EYA3: variants seen among roughly 807,000 people sequenced by gnomAD.
EYA3 encodes the protein EYA transcriptional coactivator and phosphatase 3, also known as protein phosphatase EYA3.
In EYA3, 39 loss-of-function variants were observed where a neutral mutation model predicts 80.0. That is an observed-to-expected ratio of 0.49 (90% CI 0.38 to 0.64). EYA3 has a LOEUF of 0.64. Among genes scored for constraint, EYA3 ranks in the 30% least tolerant of loss-of-function variants. The pLI is 0.00. For missense variants in EYA3, 523 were observed against 676.1 expected (o/e 0.77, Z 2.51); for synonymous variants, 206 against 232.8 (o/e 0.88, Z 1.05).
At chr1:28,028,009 G>T in intron 6 of EYA3, 83 bp from the exon 7 acceptor site, 1 of 1,454,066 alleles carries the variant, frequency 6.9e-7, no homozygotes, top group Non-Finnish European at 9.4e-7. Context: ...CAGCCAGTAG[G>T]TTTAAAATCT....
At chr1:28,008,009 G>A (rs1641416324) in intron 10 of EYA3, among the ~76,000 whole-genome samples, 1 of 152,090 alleles carries the variant, frequency 6.6e-6, no homozygotes, top group Non-Finnish European at 1.5e-5. Flanking sequence ...AAAACAGTGT[G>A]GTACTAGCAT....
At chr1:28,068,218 G>C (rs1644900793) in intron 1 of EYA3, among the ~76,000 whole-genome samples, 1 of 151,802 alleles carries the variant, frequency 6.6e-6, no homozygotes, top group Admixed American at 6.6e-5. Context: ...TGTAATCCCA[G>C]CTACTTGGGA....
chr1:28,080,660 G>GAA (rs765839496), intron 1 of EYA3, among the ~76,000 whole-genome samples: 1 of 115,626 alleles, frequency 8.6e-6, no homozygotes, highest in Non-Finnish European at 1.9e-5. Context: ...CACTTTATCA[G>GAA]AAAAAAAAAA....
intron 17 of EYA3, among the ~76,000 whole-genome samples, chr1:27,975,644 C>A (rs2148696518): frequency 6.6e-6 from 1 of 151,790 alleles, no homozygotes; most frequent in South Asian, 2.1e-4. Context: ...TGCCATCACA[C>A]CCGGCTAATT....
At chr1:28,074,691 G>A (rs538735123) in intron 1 of EYA3, among the ~76,000 whole-genome samples, 18 of 151,912 alleles carry the variant, frequency 1.2e-4, no homozygotes, top group Non-Finnish European at 2.5e-4. Context: ...CTTCCTCAGG[G>A]AACATTTTCT....
chr1:28,017,140 AG>A lies in EYA3; in HGVS notation c.585+13del, dbSNP rs1330972932. 2.5e-6 allele frequency: 4 copies of A among 1,601,880 alleles called. No homozygotes were observed. The highest frequency in any genetic ancestry group is 3.4e-6 in the Non-Finnish European group (4 of 1,169,262). ...GAACTCTATCAAACAGGATGAACAA[AG>A]GTAGCATCATACCTGGTTTGAGATG... On this transcript the variant is annotated intron_variant, in intron 8 of 17. Transcript: ENST00000373871.
chr1:28,079,795 CT>C (rs761445915), intron 1 of EYA3, among the ~76,000 whole-genome samples: 533 of 139,796 alleles, frequency 3.8e-3, no homozygotes, highest in South Asian at 7.4e-3. Context: ...TAAACATTTT[CT>C]TTTTTTTTTT....
intron 14 of EYA3, among the ~76,000 whole-genome samples, chr1:27,991,247 C>A (rs747298533): frequency 7.3e-4 from 111 of 152,244 alleles, no homozygotes; most frequent in Non-Finnish European, 1.4e-3. Flanking sequence ...AGTAAGTTTG[C>A]AGCTTTTGGT....
At chr1:28,035,736 A>G (rs899311290) in intron 5 of EYA3, 56 bp from the exon 6 acceptor site, 40 of 1,514,704 alleles carry the variant, frequency 2.6e-5, no homozygotes, top group Non-Finnish European at 4.6e-6. Flanking sequence ...GTAACGAAAA[A>G]TAGGTAAAAT....
chr1:27,990,121 TATC>T (rs1639944249), intron 14 of EYA3: 1 of 160,180 alleles, frequency 6.2e-6, no homozygotes, highest in South Asian at 1.8e-4. Context: ...GGAGATCCTT[TATC>T]TTCTGAGAAA....
At chr1:28,012,772 CCT>C (rs1445263663) in intron 9 of EYA3, among the ~76,000 whole-genome samples, 1 of 152,122 alleles carries the variant, frequency 6.6e-6, no homozygotes, top group Non-Finnish European at 1.5e-5. Flanking sequence ...CAGTTCAAAA[CCT>C]GCGCAAGACT....
chr1:28,011,292 C>CT (rs1306905082), intron 9 of EYA3, among the ~76,000 whole-genome samples: 2 of 152,168 alleles, frequency 1.3e-5, no homozygotes, highest in Non-Finnish European at 2.9e-5. Context: ...TATAACCAGA[C>CT]TTTATATGCT....
At chr1:27,978,635 T>C (rs1639102523) in intron 16 of EYA3, among the ~76,000 whole-genome samples, 161 bp from the exon 17 acceptor site, 1 of 152,190 alleles carries the variant, frequency 6.6e-6, no homozygotes, top group Non-Finnish European at 1.5e-5. Context: ...AGAGATCCAG[T>C]AGACCCTCTG....
At chr1:28,010,810 A>G in intron 10 of EYA3, 137 bp downstream of exon 10, 1 of 1,000,042 alleles carries the variant, frequency 1.0e-6, no homozygotes, top group South Asian at 1.8e-5. Flanking sequence ...AACGTGGCCA[A>G]TTTAGTTTAT....
chr1:28,038,248 T>A (rs926888959), intron 5 of EYA3, among the ~76,000 whole-genome samples: 3 of 151,748 alleles, frequency 2.0e-5, no homozygotes, highest in African/African-American at 7.3e-5. Flanking sequence ...AACAGCCTGG[T>A]CAACATGGTG....
At chr1:28,066,440 ATAAAG>A (rs1276729095) in intron 1 of EYA3, among the ~76,000 whole-genome samples, 1 of 152,220 alleles carries the variant, frequency 6.6e-6, no homozygotes, top group Admixed American at 6.5e-5. Flanking sequence ...GATCAAATCT[ATAAAG>A]TATTTAAAAT....
At chr1:27,979,348 T>C (rs945297004) in intron 16 of EYA3, among the ~76,000 whole-genome samples, 4 of 152,204 alleles carry the variant, frequency 2.6e-5, no homozygotes, top group Non-Finnish European at 5.9e-5. Flanking sequence ...AGAATAGAAC[T>C]GAGAACAGTG....
chr1:28,028,807 C>A (rs1165793084), intron 6 of EYA3, among the ~76,000 whole-genome samples: 2 of 152,072 alleles, frequency 1.3e-5, no homozygotes, highest in East Asian at 1.9e-4. Context: ...GAGACAGGGT[C>A]TTCCTCTGTC....
At chr1:28,011,735 G>A (rs1205916903) in intron 9 of EYA3, among the ~76,000 whole-genome samples, 2 of 152,068 alleles carry the variant, frequency 1.3e-5, no homozygotes, top group African/African-American at 2.4e-5. Context: ...AAAAAGAGAC[G>A]GGAGGATTTA....
Sources: allele counts gnomAD v4.1 joint callset (sites outside exome capture counted in the v4.1 genomes callset), GRCh38; gene constraint gnomAD v4.1.1; transcripts MANE v1.5; gene names NCBI Gene and HGNC (gene_info 2026-07-23, HGNC 2026-07-21).